The following AGBL4 variants were observed in gnomAD, a reference collection of about 807,000 sequenced individuals.
AGBL4 encodes the protein AGBL carboxypeptidase 4.
AGBL4 carries 58 observed loss-of-function variants against 66.4 expected under a neutral mutation model. The ratio of observed to expected loss-of-function variants is 0.87; its 90% CI spans 0.71 to 1.09. AGBL4 has a LOEUF of 1.09. Ranked by LOEUF, AGBL4 falls within the 50% of genes least tolerant of loss-of-function variation. AGBL4 has a pLI of 0.00. For missense variants in AGBL4, 579 were observed against 631.0 expected (o/e 0.92, Z 0.88); for synonymous variants, 234 against 222.9 (o/e 1.05, Z -0.44).
At chr1:49,534,171 C>CAAAAAAAAAAAAAAAAAA (rs71059553) in intron 3 of AGBL4, among the ~76,000 whole-genome samples, 1 of 67,046 alleles carries the variant, frequency 1.5e-5, no homozygotes, top group Non-Finnish European at 2.6e-5. Context: ...CACCATTTTA[C>CAAAAAAAAAAAAAAAAAA]AAAAAAAAAA....
intron 3 of AGBL4, among the ~76,000 whole-genome samples, chr1:49,686,754 C>G (rs1646794916): frequency 1.3e-5 from 2 of 152,132 alleles, no homozygotes. Context: ...TTATGGAAAG[C>G]TTTCTACATG....
At chr1:49,120,301 A>G (rs1303756520) in intron 4 of AGBL4, among the ~76,000 whole-genome samples, 1 of 152,144 alleles carries the variant, frequency 6.6e-6, no homozygotes, top group Admixed American at 6.5e-5. Context: ...ATGTTTTTGC[A>G]GTGGCTGGTA....
chr1:48,875,585 AATTCAGGCATGCAAGTGTC>A (rs1180924730), intron 5 of AGBL4, among the ~76,000 whole-genome samples: 1 of 152,148 alleles, frequency 6.6e-6, no homozygotes, highest in Non-Finnish European at 1.5e-5. Context: ...TTTATTGGAA[AATTCAGGCATGCAAGTGTC>A]TTTCATCCCC....
intron 2 of AGBL4, among the ~76,000 whole-genome samples, chr1:49,832,714 T>C (rs1164761529): frequency 2.0e-5 from 3 of 152,138 alleles, no homozygotes; most frequent in Non-Finnish European, 4.4e-5. Context: ...TGGTATCTCA[T>C]TGTGGTTTTG....
At chr1:49,771,401 G>T (rs1195020434) in intron 2 of AGBL4, among the ~76,000 whole-genome samples, 1 of 152,032 alleles carries the variant, frequency 6.6e-6, no homozygotes, top group Non-Finnish European at 1.5e-5. Context: ...CATTAGACTT[G>T]TTGTGGGATC....
At chr1:49,619,401 C>A (rs1274374323) in intron 3 of AGBL4, among the ~76,000 whole-genome samples, 4 of 152,028 alleles carry the variant, frequency 2.6e-5, no homozygotes, top group South Asian at 2.1e-4. Flanking sequence ...ACCTAGGAAT[C>A]CAACTTACAA....
At chr1:49,555,140 A>G (rs1180982535) in intron 3 of AGBL4, among the ~76,000 whole-genome samples, 2 of 152,178 alleles carry the variant, frequency 1.3e-5, no homozygotes, top group Non-Finnish European at 2.9e-5. Flanking sequence ...TCCATTTTAC[A>G]GAGAGCTGAT....
chr1:49,240,725 C>T (rs1231650836), intron 4 of AGBL4, among the ~76,000 whole-genome samples: 1 of 151,832 alleles, frequency 6.6e-6, no homozygotes, highest in Admixed American at 6.6e-5. Context: ...TGGTTATCAC[C>T]TGTAGACTGA....
intron 5 of AGBL4, among the ~76,000 whole-genome samples, chr1:49,033,539 A>G (rs1012775523): frequency 2.0e-5 from 3 of 151,940 alleles, no homozygotes; most frequent in Non-Finnish European, 4.4e-5. Flanking sequence ...GGCCCTCTCC[A>G]CCCTGTTTTC....
intron 1 of AGBL4, among the ~76,000 whole-genome samples, chr1:50,019,595 G>T (rs1182831882): frequency 6.6e-6 from 1 of 151,896 alleles, no homozygotes; most frequent in African/African-American, 2.4e-5. Context: ...ATATAAACCT[G>T]CTTTTTAAAA....
At chr1:49,469,236 T>A (rs1247759242) in intron 3 of AGBL4, among the ~76,000 whole-genome samples, 1 of 151,894 alleles carries the variant, frequency 6.6e-6, no homozygotes, top group African/African-American at 2.4e-5. Flanking sequence ...AAATGTTTTG[T>A]CATGTTTTTA....
chr1:49,311,929 T>C (rs1029291744), intron 3 of AGBL4, among the ~76,000 whole-genome samples: 1 of 152,044 alleles, frequency 6.6e-6, no homozygotes, highest in African/African-American at 2.4e-5. Flanking sequence ...GTATAGAAAG[T>C]CCTAAAAAAC....
At chr1:49,440,080 T>TC (rs1645992769) in intron 3 of AGBL4, among the ~76,000 whole-genome samples, 1 of 150,450 alleles carries the variant, frequency 6.6e-6, no homozygotes, top group Non-Finnish European at 1.5e-5. Context: ...TTTTTTTTTT[T>TC]TTTTTTTGAG....
intron 6 of AGBL4, among the ~76,000 whole-genome samples, chr1:48,858,146 A>G (rs1647225851): frequency 6.6e-6 from 1 of 152,214 alleles, no homozygotes; most frequent in African/African-American, 2.4e-5. Context: ...CTTTACACCC[A>G]TTAGGATGTT....
In AGBL4 at chr1:49,411,830, A is replaced by G. The variant is rs189204918; in HGVS notation, c.283-165966T>C. On this transcript the variant is annotated intron_variant, in intron 3 of 13. Coordinates refer to ENST00000371839, the MANE Select transcript of AGBL4 (RefSeq NM_032785.4). Reference sequence around the variant, plus strand: ...TGGGGGACTATATGGAAGGCAGACTAGAGGGGAACACATTGGAAATAGAGA... The same window carrying G: ...TGGGGGACTATATGGAAGGCAGACTGGAGGGGAACACATTGGAAATAGAGA... Among the ~76,000 whole-genome samples, 27 of 152,324 alleles carry G rather than the reference A, an allele frequency of 1.8e-4. No individual in the cohort carries two copies. In the East Asian group the frequency reaches 5.0e-3, roughly 28 times the overall value.
intron 1 of AGBL4, among the ~76,000 whole-genome samples, chr1:49,859,312 T>C (rs1315531080): frequency 6.6e-6 from 1 of 152,206 alleles, no homozygotes; most frequent in African/African-American, 2.4e-5. Context: ...TGGTATTCCT[T>C]CTGAACATAG....
chr1:48,631,795 G>A (rs1257336519), intron 9 of AGBL4, among the ~76,000 whole-genome samples: 2 of 152,108 alleles, frequency 1.3e-5, no homozygotes, highest in Non-Finnish European at 2.9e-5. Flanking sequence ...CAGGACAGTA[G>A]GTATAAACCA....
chr1:49,814,683 G>C (rs1320677897), intron 2 of AGBL4, among the ~76,000 whole-genome samples: 1 of 151,950 alleles, frequency 6.6e-6, no homozygotes, highest in African/African-American at 2.4e-5. Flanking sequence ...CATCTCACAT[G>C]TACCCCTAGG....
At chr1:48,816,475 T>A (rs1000654127) in intron 6 of AGBL4, among the ~76,000 whole-genome samples, 1 of 152,180 alleles carries the variant, frequency 6.6e-6, no homozygotes, top group Admixed American at 6.5e-5. Context: ...AATAGGTATA[T>A]GTTGAATGAG....
Sources: gnomAD v4.1 joint callset for allele counts (sites outside exome capture counted in the v4.1 genomes callset) on GRCh38, gnomAD v4.1.1 for gene constraint, MANE v1.5 for transcripts, NCBI Gene and HGNC (gene_info 2026-07-23, HGNC 2026-07-21) for gene names.